The following DOCK1 variants were observed in gnomAD, a reference collection of about 807,000 sequenced individuals.
DOCK1 encodes dedicator of cytokinesis protein 1.
Under a neutral mutation model 262.7 loss-of-function variants are expected in DOCK1, and 138 were observed. The observed-to-expected ratio is 0.53, with a 90% CI of 0.46 to 0.61. The LOEUF is 0.61. Among genes scored for constraint, DOCK1 ranks in the 20% least tolerant of loss-of-function variants. DOCK1 has a pLI of 0.00. For missense variants in DOCK1, 1,908 were observed against 2,370.7 expected (o/e 0.80, Z 4.05); for synonymous variants, 866 against 867.4 (o/e 1.00, Z 0.03).
At chr10:127,166,354 C>T (rs922688337) in intron 27 of DOCK1, among the ~76,000 whole-genome samples, 5 of 151,886 alleles carry the variant, frequency 3.3e-5, no homozygotes, top group East Asian at 2.0e-4. Context: ...CGTGAGCCAC[C>T]GCGCCCGGCC....
intron 31 of DOCK1, among the ~76,000 whole-genome samples, chr10:127,352,164 G>C (rs2063908260): frequency 6.8e-6 from 1 of 147,656 alleles, no homozygotes; most frequent in Non-Finnish European, 1.5e-5. Flanking sequence ...GCGGGGAGGG[G>C]TGGGGAGCAT....
chr10:126,964,570 A>T (rs975614265), intron 1 of DOCK1, among the ~76,000 whole-genome samples: 3 of 152,272 alleles, frequency 2.0e-5, no homozygotes, highest in Admixed American at 1.3e-4. Context: ...GAGAAAGGAA[A>T]TGAGAACACA....
Position 127,339,733 on chromosome 10 carries a change from G to GTGCGCA in DOCK1, c.3123+652_3123+653insGCATGC, listed in dbSNP as rs1554951488. On this transcript the variant is annotated intron_variant, in intron 30 of 51. Transcript: ENST00000623213. ...TGTGTGTGTGTGTGTGTGTGTGTGT[G>GTGCGCA]TGCATGCTGTAAGGATTGATTTTGC... Among the ~76,000 whole-genome samples, 444 of 109,336 alleles carry GTGCGCA rather than the reference G, an allele frequency of 4.1e-3. 11 individuals carry two copies. The highest frequency in any genetic ancestry group is 0.032 in the East Asian group (92 of 2,870). 71.7% of individuals were successfully genotyped at this position (109,336 alleles called of 152,430 possible).
intron 27 of DOCK1, among the ~76,000 whole-genome samples, chr10:127,186,702 T>C (rs996043585): frequency 1.3e-5 from 2 of 151,888 alleles, no homozygotes; most frequent in African/African-American, 4.8e-5. Context: ...TATAAAATTA[T>C]ACTAAATAAG....
intron 27 of DOCK1, among the ~76,000 whole-genome samples, chr10:127,178,583 C>T (rs1435948390): frequency 1.3e-5 from 2 of 152,146 alleles, no homozygotes; most frequent in South Asian, 2.1e-4. Context: ...GGCTCTTGTT[C>T]GATTATCCTA....
intron 29 of DOCK1, among the ~76,000 whole-genome samples, chr10:127,271,143 A>G (rs1383870807): frequency 6.6e-6 from 1 of 151,784 alleles, no homozygotes; most frequent in Non-Finnish European, 1.5e-5. Context: ...TTTGTCACTT[A>G]ATAGTGTTCT....
intron 27 of DOCK1, among the ~76,000 whole-genome samples, chr10:127,234,965 GTAAA>G (rs201112289): frequency 0.027 from 3,979 of 145,160 alleles, 149 homozygotes; most frequent in African/African-American, 0.089. Context: ...TACATAAAAA[GTAAA>G]TAATATATGT....
chr10:127,221,323 T>A (rs2058428274), intron 27 of DOCK1, among the ~76,000 whole-genome samples: 1 of 152,184 alleles, frequency 6.6e-6, no homozygotes, highest in Admixed American at 6.5e-5. Context: ...TGGGTGTGAT[T>A]TATGAGGTAA....
At chr10:127,266,175 A>AT (rs1209718034) in intron 29 of DOCK1, among the ~76,000 whole-genome samples, 1 of 152,248 alleles carries the variant, frequency 6.6e-6, no homozygotes, top group Non-Finnish European at 1.5e-5. Flanking sequence ...GCACCTCTGC[A>AT]TCCCAATTAA....
chr10:126,959,898 A>T (rs1217307932), intron 1 of DOCK1, among the ~76,000 whole-genome samples: 1 of 151,160 alleles, frequency 6.6e-6, no homozygotes, highest in Non-Finnish European at 1.5e-5. Context: ...GCTCACTGCA[A>T]CCCCCGCCTC....
intron 49 of DOCK1, among the ~76,000 whole-genome samples, 181 bp downstream of exon 49, chr10:127,439,406 C>T (rs2069924271): frequency 6.6e-6 from 1 of 152,190 alleles, no homozygotes; most frequent in Admixed American, 6.5e-5. Flanking sequence ...ACAGCCAGAG[C>T]CACAGAGAGA....
At chr10:127,113,783 G>A (rs141056688) in intron 25 of DOCK1, among the ~76,000 whole-genome samples, 2 of 152,110 alleles carry the variant, frequency 1.3e-5, no homozygotes, top group Non-Finnish European at 1.5e-5. Flanking sequence ...GCGTCACTGC[G>A]GCCATTTGCT....
intron 30 of DOCK1, among the ~76,000 whole-genome samples, chr10:127,339,889 T>G (rs981383079): frequency 2.0e-5 from 3 of 152,156 alleles, no homozygotes; most frequent in Non-Finnish European, 2.9e-5. Context: ...AGTATACAAA[T>G]TTTTGAAAAG....
chr10:127,327,745 C>G (rs1439194081), intron 29 of DOCK1, among the ~76,000 whole-genome samples: 1 of 152,182 alleles, frequency 6.6e-6, no homozygotes, highest in African/African-American at 2.4e-5. Flanking sequence ...TGGTAGGACC[C>G]AGCCTCTCTA....
intron 10 of DOCK1, among the ~76,000 whole-genome samples, chr10:127,004,210 C>T (rs985831516): frequency 5.3e-5 from 8 of 150,210 alleles, no homozygotes; most frequent in Non-Finnish European, 1.0e-4. Flanking sequence ...GCCAAGATCA[C>T]GCCAGAGTGA....
intron 27 of DOCK1, among the ~76,000 whole-genome samples, chr10:127,183,005 T>G (rs1374875388): frequency 6.7e-6 from 1 of 149,012 alleles, no homozygotes. Context: ...CTCACTCACA[T>G]GAAAACACAA....
At chr10:127,201,022 C>T (rs1430799635) in intron 27 of DOCK1, among the ~76,000 whole-genome samples, 1 of 152,242 alleles carries the variant, frequency 6.6e-6, no homozygotes, top group East Asian at 1.9e-4. Flanking sequence ...GCTGTGGTAG[C>T]AGATCAGCCA....
intron 27 of DOCK1, among the ~76,000 whole-genome samples, chr10:127,235,471 C>T (rs1178320776): frequency 6.6e-6 from 1 of 152,148 alleles, no homozygotes; most frequent in Non-Finnish European, 1.5e-5. Context: ...GTTTGTTCCT[C>T]ATTCTTGCTG....
Position 126,987,663 on chromosome 10 carries a change from G to A in DOCK1, c.324+46G>A, listed in dbSNP as rs574319145. ...TTCAAAGCTTAGAAATAGAGAGTGG[G>A]CTTTTTTGACCCTGATATGCCAATG... On this transcript the variant is annotated intron_variant, in intron 5 of 51. Coordinates refer to ENST00000623213, the MANE Select transcript of DOCK1 (RefSeq NM_001290223.2). 2.0e-6 allele frequency: 3 copies of A among 1,472,748 alleles called. No homozygotes were observed. In the East Asian group the frequency reaches 7.6e-5, roughly 37 times the overall value. The allele number at this position is 1,472,748 out of a possible 1,614,324, so 91.2% of individuals were successfully genotyped here.
Sources: gnomAD v4.1 joint callset for allele counts (sites outside exome capture counted in the v4.1 genomes callset) on GRCh38, gnomAD v4.1.1 for gene constraint, MANE v1.5 for transcripts, NCBI Gene and HGNC (gene_info 2026-07-23, HGNC 2026-07-21) for gene names.